Variants in IQGAP3 observed in about 807,000 individuals in gnomAD.
IQGAP3 encodes the protein IQ motif containing GTPase activating protein 3.
In IQGAP3, 165 loss-of-function variants were observed where a neutral mutation model predicts 208.2. The observed-to-expected ratio is 0.79, with a 90% CI of 0.70 to 0.90. The LOEUF is 0.90. Ranked by LOEUF, IQGAP3 falls within the 40% of genes least tolerant of loss-of-function variation. The pLI is 0.00. For missense variants in IQGAP3, 1,811 were observed against 2,043.1 expected, an observed-to-expected ratio of 0.89 and a Z score of 2.19; for synonymous variants, 703 against 803.6, an observed-to-expected ratio of 0.87 and a Z score of 2.12.
At chr1:156,541,258 C>T (rs1325603225) in intron 22 of IQGAP3, among the ~76,000 whole-genome samples, 2 of 151,964 alleles carry the variant, frequency 1.3e-5, no homozygotes, top group Non-Finnish European at 2.9e-5. Flanking sequence ...CCCTAGTCTA[C>T]CCCAATCTAC....
Position 156,551,755 on chromosome 1 carries a change from C to G in IQGAP3, c.1684G>C (p.Ala562Pro). 1 of 1,613,826 alleles carries G rather than the reference C, an allele frequency of 6.2e-7. No individual in the cohort carries two copies. Among genetic ancestry groups the G allele is most frequent in the African/African-American group, 1.3e-5 (1 of 75,014 alleles). Reference sequence around the variant, plus strand: ...ACAAGGAGGAGATGGTACCGAGGGGCGACAGGGAGGCTGACATCATCTAGG... The same window carrying G: ...ACAAGGAGGAGATGGTACCGAGGGGGGACAGGGAGGCTGACATCATCTAGG... ...AGLDDVSLPV[A>P]PRYHLLLVAA... The change falls in exon 15 of 38, where the codon GCC becomes CCC. Residue 562 changes from alanine (A) to proline (P), a missense_variant. Ala to Pro is a conservative substitution (Grantham distance 27). Coordinates refer to ENST00000361170, the MANE Select transcript of IQGAP3 (RefSeq NM_178229.5).
chr1:156,537,331 G>C lies in IQGAP3; in HGVS notation c.3282-10C>G. 1 of 1,608,170 alleles carries C rather than the reference G, an allele frequency of 6.2e-7. No homozygotes were observed. Among genetic ancestry groups the C allele is most frequent in the Non-Finnish European group, 8.5e-7 (1 of 1,176,994 alleles). ...ATCATATGGGAGATGGCTATGAGCA[G>C]AGAGAGACAAGGTGTAAGCAGGAGC... On this transcript the variant is annotated splice_polypyrimidine_tract_variant and intron_variant, in intron 26 of 37. Transcript: ENST00000361170.
At chr1:156,566,577 T>A (rs773262196) in intron 2 of IQGAP3, 31 bp from the exon 3 acceptor site, 16 of 1,608,762 alleles carry the variant, frequency 9.9e-6, no homozygotes, top group Non-Finnish European at 1.4e-5. Context: ...TCTCACGCAC[T>A]CTGGCAGACC....
At chr1:156,530,366 CTCCCACACCAGTGAAGG>C (rs1557916429) in intron 33 of IQGAP3, 49 bp from the exon 34 acceptor site, 1 of 1,517,686 alleles carries the variant, frequency 6.6e-7, no homozygotes, top group Non-Finnish European at 9.0e-7. Flanking sequence ...TACCATTCTG[CTCCCACACCAGTGAAGG>C]TCCCATGGGC....
Position 156,552,108 on chromosome 1 carries a change from T to A in IQGAP3, c.1449-13A>T. 6.2e-7 allele frequency: 1 copy of A among 1,613,188 alleles called. No homozygotes were observed. ...GGCATCGAAGTAACTGGCAGTGGGG[T>A]GAAGGGCAGAGAGGTGAGTAGCATG... is the stretch of plus-strand genomic sequence containing the variant. On this transcript the variant is annotated splice_polypyrimidine_tract_variant and intron_variant, in intron 13 of 37. Transcript: ENST00000361170.
intron 32 of IQGAP3, among the ~76,000 whole-genome samples, chr1:156,531,453 C>T (rs1225991648): frequency 1.3e-5 from 2 of 152,096 alleles, no homozygotes; most frequent in Non-Finnish European, 2.9e-5. Context: ...CAGCTGAGCA[C>T]ACATGTCCTT....
chr1:156,528,172 T>C (rs1674197517), intron 36 of IQGAP3, 112 bp from the exon 37 acceptor site: 1 of 787,384 alleles, frequency 1.3e-6, no homozygotes, highest in Admixed American at 2.2e-5. Flanking sequence ...CAGAACCAGT[T>C]TTCCCTCTGT....
intron 24 of IQGAP3, 67 bp downstream of exon 24, chr1:156,539,771 G>A: frequency 6.4e-7 from 1 of 1,562,956 alleles, no homozygotes; most frequent in Non-Finnish European, 8.8e-7. Flanking sequence ...GCACAGACAA[G>A]AAGGCCTTGA....
At chr1:156,569,316 C>T in intron 2 of IQGAP3, 60 bp downstream of exon 2, 2 of 1,108,044 alleles carry the variant, frequency 1.8e-6, no homozygotes, top group East Asian at 2.4e-5. Context: ...CGGCAGATGC[C>T]TAGGGTGGGG....
At chr1:156,556,147 C>T (rs140051673) in intron 12 of IQGAP3, among the ~76,000 whole-genome samples, 1 of 152,330 alleles carries the variant, frequency 6.6e-6, no homozygotes, top group Non-Finnish European at 1.5e-5. Flanking sequence ...CCTGTCGTTT[C>T]ACTGTCAGAG....
At chr1:156,555,089 G>A (rs1227763551) in intron 12 of IQGAP3, among the ~76,000 whole-genome samples, 1 of 152,056 alleles carries the variant, frequency 6.6e-6, no homozygotes, top group Non-Finnish European at 1.5e-5. Context: ...TAGGCCCTGG[G>A]TATACAGAGA....
intron 1 of IQGAP3, 62 bp from the exon 2 acceptor site, chr1:156,569,525 G>GGT: frequency 1.8e-6 from 1 of 554,706 alleles, no homozygotes. Context: ...AGCACTGAAG[G>GGT]GTCTTTTTTT....
intron 22 of IQGAP3, among the ~76,000 whole-genome samples, chr1:156,542,606 A>G (rs1322999171): frequency 6.6e-6 from 1 of 152,218 alleles, no homozygotes; most frequent in Non-Finnish European, 1.5e-5. Context: ...GATAGGTATT[A>G]GCATTATGTC....
In IQGAP3 at chr1:156,566,561, A is replaced by G. The variant is rs947663; in HGVS notation, c.126-15T>C. 0.99 allele frequency: 1,601,978 copies of G among 1,613,348 alleles called. 796,035 individuals are homozygous for G. Among genetic ancestry groups the G allele is most frequent in the East Asian group, 1 (44,852 of 44,852 alleles). On this transcript the variant is annotated splice_polypyrimidine_tract_variant and intron_variant, in intron 2 of 37. Coordinates refer to ENST00000361170, the MANE Select transcript of IQGAP3 (RefSeq NM_178229.5). ...CCTCCATCCAGCTATGAACATGAGA[A>G]CACCTTCTCACGCACTCTGGCAGAC...
In IQGAP3 at chr1:156,534,522, T is replaced by C; in HGVS notation, c.3719A>G (p.Glu1240Gly). The change falls in exon 29 of 38, where the codon GAG (glutamate) becomes GGG (glycine). Residue 1240 changes from glutamate to glycine, a missense_variant. Glu to Gly is a moderately conservative substitution (Grantham distance 98). Transcript: ENST00000361170. ...QHLRVLNDYL[E>G]ETHLKFRKFI... is the part of the protein sequence containing the mutation. The stretch of plus-strand genomic sequence containing the variant: ...AGACCTGAACTTGAGGTGTGTTTCC[T>C]CCAGATAGTCATTCAGGACCCGTAG... 6.3e-7 allele frequency: 1 copy of C among 1,585,886 alleles called. No individual in the cohort carries two copies. The highest frequency in any genetic ancestry group is 8.6e-7 in the Non-Finnish European group (1 of 1,166,708).
At chr1:156,531,065 T>C in intron 33 of IQGAP3, 95 bp downstream of exon 33, 2 of 860,602 alleles carry the variant, frequency 2.3e-6, no homozygotes, top group Admixed American at 3.4e-5. Context: ...CTGGCTGATG[T>C]GGGTGAGGTT....
intron 29 of IQGAP3, 109 bp downstream of exon 29, chr1:156,534,392 C>T (rs1674581756): frequency 1.0e-6 from 1 of 964,516 alleles, no homozygotes. Context: ...TCATTATGCT[C>T]ATCCCTTCTA....
rs759938932 is a variant in IQGAP3 at position 156,564,662 on chromosome 1, A to G, written c.390T>C (p.Tyr130=). ...CTACCCGGGGCATGTTCTTTTTGTC[A>G]TAGATGTCCGTGGTCTCTGGGAAGA... is the stretch of plus-strand genomic sequence containing the variant. ...STFFPETTDI[Y]DKKNMPRVVY... The change falls in exon 5 of 38, where the codon TAT becomes TAC. Residue 130 remains tyrosine (Y), a synonymous_variant. Coordinates refer to ENST00000361170, the MANE Select transcript of IQGAP3 (RefSeq NM_178229.5). 1.5e-5 allele frequency: 24 copies of G among 1,613,782 alleles called. No individual in the cohort carries two copies. In the Admixed American group the frequency reaches 2.2e-4, roughly 15 times the overall value.
intron 19 of IQGAP3, 96 bp downstream of exon 19, chr1:156,547,977 A>G: frequency 8.8e-7 from 1 of 1,141,618 alleles, no homozygotes; most frequent in Non-Finnish European, 1.2e-6. Context: ...AGAGGCCGAA[A>G]GGTCATTCCC....
Sources: gnomAD v4.1 joint callset for allele counts (sites outside exome capture counted in the v4.1 genomes callset) on GRCh38, gnomAD v4.1.1 for gene constraint, MANE v1.5 for transcripts, NCBI Gene and HGNC (gene_info 2026-07-23, HGNC 2026-07-21) for gene names.